Variants in SNTG2 observed in about 807,000 individuals in gnomAD.
SNTG2 encodes gamma-2-syntrophin.
SNTG2 carries 74 observed loss-of-function variants against 70.9 expected under a neutral mutation model. That is an observed-to-expected ratio of 1.04 (90% CI 0.86 to 1.27). SNTG2 has a LOEUF of 1.27. Among genes scored for constraint, SNTG2 ranks in the 50% most tolerant of loss-of-function variants. The probability of loss-of-function intolerance (pLI) is 0.00; values close to 1 mark genes in which losing one functional copy is unlikely to be tolerated. For synonymous variants in SNTG2, 278 were observed against 273.8 expected (o/e 1.02, Z -0.15); for missense variants, 717 against 690.7 (o/e 1.04, Z -0.43).
chr2:1,202,175 A>G (rs906033642), intron 8 of SNTG2, among the ~76,000 whole-genome samples: 1 of 152,082 alleles, frequency 6.6e-6, no homozygotes, highest in Non-Finnish European at 1.5e-5. Flanking sequence ...AATATCCAAT[A>G]TAAACTGTTT....
At chr2:1,045,723 T>C (rs368008770) in intron 1 of SNTG2, among the ~76,000 whole-genome samples, 4 of 152,326 alleles carry the variant, frequency 2.6e-5, no homozygotes, top group South Asian at 2.1e-4. Context: ...TCTACTTTTA[T>C]TGTGCTGTAA....
intron 14 of SNTG2, among the ~76,000 whole-genome samples, chr2:1,297,830 C>T (rs1340040004): frequency 6.6e-6 from 1 of 152,178 alleles, no homozygotes; most frequent in East Asian, 1.9e-4. Flanking sequence ...TAGGAGACTC[C>T]ATCTCACACT....
intron 1 of SNTG2, among the ~76,000 whole-genome samples, chr2:1,016,302 C>T (rs1659889958): frequency 1.3e-5 from 2 of 152,194 alleles, no homozygotes; most frequent in Admixed American, 6.5e-5. Context: ...AGTTCAGTGG[C>T]GTGATCTTGG....
chr2:1,351,643 G>T (rs532835804), intron 16 of SNTG2, among the ~76,000 whole-genome samples: 3 of 152,166 alleles, frequency 2.0e-5, no homozygotes, highest in Non-Finnish European at 2.9e-5. Flanking sequence ...CCACTCGGCC[G>T]CATCCAGCCG....
chr2:1,358,371 C>T (rs1302262256), intron 16 of SNTG2, among the ~76,000 whole-genome samples: 1 of 93,192 alleles, frequency 1.1e-5, no homozygotes, highest in South Asian at 4.5e-4. Context: ...TAGTTCTGCT[C>T]CAATCTTTAT....
chr2:1,065,535 G>A lies in SNTG2; in HGVS notation c.73-17983G>A, dbSNP rs117355808. On this transcript the variant is annotated intron_variant, in intron 1 of 16. Transcript: ENST00000308624. ...GCTTACTGCTTATTTTATGAAGCAC[G>A]CATTGTATTATGAGATGATGTTTGT... Among the ~76,000 whole-genome samples the A allele has an allele frequency of 1.1e-4, 16 of 152,126 alleles. No homozygotes were observed. In the East Asian group the frequency reaches 2.7e-3, roughly 26 times the overall value.
chr2:972,804 A>G (rs925097804), intron 1 of SNTG2, among the ~76,000 whole-genome samples: 9 of 152,172 alleles, frequency 5.9e-5, no homozygotes, highest in Admixed American at 3.3e-4. Context: ...GTCTTCCACC[A>G]TGATTGGAAG....
At chr2:1,082,709 A>G (rs141710358) in intron 1 of SNTG2, among the ~76,000 whole-genome samples, 1,917 of 152,340 alleles carry the variant, frequency 0.013, 10 homozygotes, top group African/African-American at 0.015. Flanking sequence ...GTGGCCGGGC[A>G]TAACTGCTAT....
At chr2:1,067,587 T>C (rs1663240942) in intron 1 of SNTG2, among the ~76,000 whole-genome samples, 1 of 152,176 alleles carries the variant, frequency 6.6e-6, no homozygotes, top group South Asian at 2.1e-4. Flanking sequence ...AGTCAGAGAA[T>C]GAGTTTATGA....
At chr2:1,021,087 A>G (rs1028699163) in intron 1 of SNTG2, among the ~76,000 whole-genome samples, 15 of 152,042 alleles carry the variant, frequency 9.9e-5, no homozygotes, top group South Asian at 8.3e-4. Flanking sequence ...TGAATCGCCA[A>G]TTTTCACAGT....
intron 1 of SNTG2, among the ~76,000 whole-genome samples, chr2:1,039,836 C>G (rs1661333721): frequency 6.6e-6 from 1 of 152,180 alleles, no homozygotes; most frequent in Admixed American, 6.5e-5. Flanking sequence ...CAGCCCTGCT[C>G]TGGAAGGGTT....
At chr2:1,179,415 A>G (rs1671708931) in intron 8 of SNTG2, among the ~76,000 whole-genome samples, 1 of 152,160 alleles carries the variant, frequency 6.6e-6, no homozygotes, top group South Asian at 2.1e-4. Flanking sequence ...ATTCTTATAC[A>G]CCAATAACAG....
In SNTG2 at chr2:1,116,822, GTGGGTGCCCTGGTGTA is replaced by G. The variant is rs1366601961; in HGVS notation, c.325+18428_325+18443del. Among the ~76,000 whole-genome samples the G allele has an allele frequency of 2.6e-4, 37 of 141,520 alleles. 1 individual carries two copies. The highest frequency in any genetic ancestry group is 1.1e-3 in the Admixed American group (15 of 14,254). The allele number at this position is 141,520 out of a possible 152,430, so 92.8% of individuals were successfully genotyped here. ...CCCTGGTTTACGGGTTTCCTGGTCT[GTGGGTGCCCTGGTGTA>G]TGGGTGCCCTGGTGTGTGGGTGCTC... On this transcript the variant is annotated intron_variant, in intron 4 of 16. Transcript: ENST00000308624.
chr2:1,088,052 A>G (rs953681753), intron 2 of SNTG2, among the ~76,000 whole-genome samples: 1 of 152,236 alleles, frequency 6.6e-6, no homozygotes, highest in East Asian at 1.9e-4. Flanking sequence ...AGGAGTAGAC[A>G]TCGCTTCTGC....
chr2:1,105,894 T>C (rs1204949722), intron 4 of SNTG2, among the ~76,000 whole-genome samples: 1 of 152,220 alleles, frequency 6.6e-6, no homozygotes, highest in Non-Finnish European at 1.5e-5. Flanking sequence ...CCCCCGCGTG[T>C]CACAGCCAGG....
At chr2:1,141,884 C>G (rs28871746) in intron 6 of SNTG2, among the ~76,000 whole-genome samples, 150,382 of 152,250 alleles carry the variant, frequency 0.99, 74,294 homozygotes, top group East Asian at 1. Flanking sequence ...CACATTAGTC[C>G]CACATTGTGA....
intron 4 of SNTG2, among the ~76,000 whole-genome samples, chr2:1,135,641 G>C (rs1196226854): frequency 1.3e-5 from 2 of 152,170 alleles, no homozygotes; most frequent in African/African-American, 2.4e-5. Flanking sequence ...AGAATCGCTT[G>C]AACCCAGGAG....
intron 16 of SNTG2, among the ~76,000 whole-genome samples, chr2:1,355,163 C>T (rs1036556075): frequency 2.4e-4 from 36 of 152,236 alleles, no homozygotes; most frequent in Non-Finnish European, 5.0e-4. Flanking sequence ...CCTGGGAAAT[C>T]ACGTAATCTT....
At chr2:1,210,725 A>G (rs891858298) in intron 9 of SNTG2, 14 of 152,066 alleles carry the variant, frequency 9.2e-5, no homozygotes, top group African/African-American at 3.1e-4. Context: ...TTTATACCCT[A>G]TTTTTACTTT....
Sources: gnomAD v4.1 joint callset for allele counts (sites outside exome capture counted in the v4.1 genomes callset) on GRCh38, gnomAD v4.1.1 for gene constraint, MANE v1.5 for transcripts, NCBI Gene and HGNC (gene_info 2026-07-23, HGNC 2026-07-21) for gene names.